CNTNAP2: variants seen among roughly 807,000 people sequenced by gnomAD.
The protein encoded by CNTNAP2 is contactin-associated protein-like 2.
Under a neutral mutation model 155.2 loss-of-function variants are expected in CNTNAP2, and 98 were observed. The observed-to-expected ratio is 0.63, with a 90% CI of 0.54 to 0.75. The LOEUF (loss-of-function observed/expected upper bound fraction) is 0.75, where lower values mean the gene tolerates loss of function less well. Among genes scored for constraint, CNTNAP2 ranks in the 30% least tolerant of loss-of-function variants. The pLI, the probability that CNTNAP2 is intolerant of heterozygous loss-of-function variation, is 0.00. For missense variants in CNTNAP2, 1,727 were observed against 1,688.1 expected, an observed-to-expected ratio of 1.02 and a Z score of -0.40; for synonymous variants, 651 against 631.2, an observed-to-expected ratio of 1.03 and a Z score of -0.47.
At chr7:147,815,441 G>C (rs1332459878) in intron 13 of CNTNAP2, among the ~76,000 whole-genome samples, 5 of 151,722 alleles carry the variant, frequency 3.3e-5, no homozygotes, top group Admixed American at 3.3e-4. Context: ...CCAGCCTCTA[G>C]TTCTTGCATG....
chr7:148,085,772 T>G (rs1803715755), intron 15 of CNTNAP2, among the ~76,000 whole-genome samples: 2 of 151,870 alleles, frequency 1.3e-5, no homozygotes, highest in South Asian at 2.1e-4. Flanking sequence ...CAGGCTGGAG[T>G]GCAGTGGCAT....
intron 20 of CNTNAP2, among the ~76,000 whole-genome samples, chr7:148,255,586 C>T (rs1344044400): frequency 6.6e-6 from 1 of 152,150 alleles, no homozygotes; most frequent in Non-Finnish European, 1.5e-5. Flanking sequence ...ACATAAATCA[C>T]CTAATAGTTT....
chr7:147,980,573 C>T (rs1299495066), intron 15 of CNTNAP2, among the ~76,000 whole-genome samples: 1 of 150,924 alleles, frequency 6.6e-6, no homozygotes, highest in Non-Finnish European at 1.5e-5. Context: ...AAGTATCCTA[C>T]CTGGTACTCG....
chr7:146,733,553 A>C (rs1801562983), intron 1 of CNTNAP2, among the ~76,000 whole-genome samples: 1 of 152,120 alleles, frequency 6.6e-6, no homozygotes, highest in Non-Finnish European at 1.5e-5. Flanking sequence ...GAACTAGTAC[A>C]GTCTCATATT....
chr7:146,308,797 G>A (rs546107707), intron 1 of CNTNAP2, among the ~76,000 whole-genome samples: 4 of 152,092 alleles, frequency 2.6e-5, no homozygotes, highest in Non-Finnish European at 4.4e-5. Flanking sequence ...TGGACACACG[G>A]CGGGGAACAT....
chr7:146,251,573 T>G (rs1237928186), intron 1 of CNTNAP2, among the ~76,000 whole-genome samples: 2 of 152,212 alleles, frequency 1.3e-5, no homozygotes, highest in African/African-American at 4.8e-5. Flanking sequence ...ACTTTTATAG[T>G]CAAGGACCTC....
intron 10 of CNTNAP2, among the ~76,000 whole-genome samples, chr7:147,444,837 G>A (rs1797706455): frequency 6.6e-6 from 1 of 152,146 alleles, no homozygotes; most frequent in African/African-American, 2.4e-5. Flanking sequence ...ACTTGAGACT[G>A]GGTAATTTAT....
At chr7:146,232,111 T>C (rs1260556721) in intron 1 of CNTNAP2, among the ~76,000 whole-genome samples, 1 of 152,042 alleles carries the variant, frequency 6.6e-6, no homozygotes, top group Non-Finnish European at 1.5e-5. Context: ...GCCCTGGGTC[T>C]GGACTTCACC....
At chr7:148,400,445 A>C (rs957763166) in intron 22 of CNTNAP2, among the ~76,000 whole-genome samples, 2 of 152,190 alleles carry the variant, frequency 1.3e-5, no homozygotes, top group African/African-American at 4.8e-5. Flanking sequence ...AAAGGAAAAG[A>C]AGCCGCGACA....
At chr7:148,384,260 A>G (rs746292852) in intron 22 of CNTNAP2, among the ~76,000 whole-genome samples, 3 of 152,122 alleles carry the variant, frequency 2.0e-5, no homozygotes, top group Non-Finnish European at 4.4e-5. Flanking sequence ...TTAATTTAAG[A>G]AGAGATTTAC....
chr7:147,026,803 T>C (rs1584791070), intron 3 of CNTNAP2, among the ~76,000 whole-genome samples: 2 of 151,832 alleles, frequency 1.3e-5, no homozygotes, highest in African/African-American at 4.8e-5. Context: ...GGTATACTTA[T>C]TCAAAAAGGC....
At chr7:146,385,844 G>C (rs1018012074) in intron 1 of CNTNAP2, among the ~76,000 whole-genome samples, 1 of 152,200 alleles carries the variant, frequency 6.6e-6, no homozygotes, top group Admixed American at 6.5e-5. Flanking sequence ...GGTTTCTATA[G>C]TAAGCTGTCA....
At chr7:146,725,960 C>T (rs1801424718) in intron 1 of CNTNAP2, among the ~76,000 whole-genome samples, 1 of 152,148 alleles carries the variant, frequency 6.6e-6, no homozygotes, top group Non-Finnish European at 1.5e-5. Context: ...CTCTTTATTT[C>T]AATTCCCCTG....
intron 9 of CNTNAP2, among the ~76,000 whole-genome samples, chr7:147,386,712 C>T (rs147837634): frequency 0.016 from 2,505 of 152,258 alleles, 71 homozygotes; most frequent in African/African-American, 0.058. Flanking sequence ...CCACATTTTC[C>T]TATCTTCTTC....
At chr7:148,125,994 C>T (rs1485134024) in intron 16 of CNTNAP2, among the ~76,000 whole-genome samples, 6 of 152,068 alleles carry the variant, frequency 3.9e-5, no homozygotes, top group African/African-American at 1.4e-4. Flanking sequence ...TAAGCTACCA[C>T]CTACAGCCAG....
intron 1 of CNTNAP2, among the ~76,000 whole-genome samples, chr7:146,231,427 T>C (rs1799382652): frequency 6.6e-6 from 1 of 152,158 alleles, no homozygotes; most frequent in Admixed American, 6.6e-5. Flanking sequence ...CCTCCTTTGT[T>C]TAATGTTCAT....
intron 15 of CNTNAP2, among the ~76,000 whole-genome samples, chr7:148,067,120 T>C (rs945934996): frequency 2.0e-5 from 3 of 152,226 alleles, no homozygotes; most frequent in Admixed American, 2.0e-4. Context: ...GATTTCTTAT[T>C]GGTTTGAACC....
chr7:146,635,817 AC>A (rs1245609935), intron 1 of CNTNAP2, among the ~76,000 whole-genome samples: 1 of 151,266 alleles, frequency 6.6e-6, no homozygotes, highest in African/African-American at 2.4e-5. Context: ...AAAAAAAAAA[AC>A]AGTTGAGAAA....
At chr7:147,361,988 G>C (rs949846189) in intron 9 of CNTNAP2, among the ~76,000 whole-genome samples, 1 of 152,160 alleles carries the variant, frequency 6.6e-6, no homozygotes, top group Non-Finnish European at 1.5e-5. Flanking sequence ...ACTGAGACTG[G>C]GAAAGGTGAA....
Sources: allele counts gnomAD v4.1 joint callset (sites outside exome capture counted in the v4.1 genomes callset), GRCh38; gene constraint gnomAD v4.1.1; transcripts MANE v1.5; gene names NCBI Gene and HGNC (gene_info 2026-07-23, HGNC 2026-07-21).